The following TNPO3 variants were observed in gnomAD, a reference collection of about 807,000 sequenced individuals.
TNPO3 encodes the protein transportin-3.
TNPO3 carries 65 observed loss-of-function variants against 122.8 expected under a neutral mutation model. That is an observed-to-expected ratio of 0.53 (90% CI 0.43 to 0.65). The LOEUF (loss-of-function observed/expected upper bound fraction) is 0.65. Ranked by LOEUF, TNPO3 falls within the 30% of genes least tolerant of loss-of-function variation. The pLI is 0.00. For synonymous variants in TNPO3, 372 were observed against 411.2 expected (o/e 0.90, Z 1.15); for missense variants, 850 against 1,136.7 (o/e 0.75, Z 3.63).
chr7:128,984,105 T>C (rs1799908395), intron 13 of TNPO3, 63 bp downstream of exon 13: 6 of 1,080,936 alleles, frequency 5.6e-6, no homozygotes, highest in Middle Eastern at 2.1e-4. Context: ...AGTAATTTCA[T>C]CTTTTCATTT....
At chr7:128,985,837 A>G (rs1800083476) in intron 12 of TNPO3, among the ~76,000 whole-genome samples, 2 of 152,234 alleles carry the variant, frequency 1.3e-5, no homozygotes, top group Admixed American at 1.3e-4. Flanking sequence ...CTAGCTGGTA[A>G]GGAATCTGGT....
chr7:128,966,281 G>A (rs1251575792), intron 21 of TNPO3, among the ~76,000 whole-genome samples: 1 of 151,994 alleles, frequency 6.6e-6, no homozygotes, highest in Non-Finnish European at 1.5e-5. Flanking sequence ...CTATTGATGG[G>A]CAATTAGAAT....
In TNPO3 at chr7:128,977,594, TTTTTC is replaced by T. The variant is rs1799195774; in HGVS notation, c.2061+1384_2061+1388del. On this transcript the variant is annotated intron_variant, in intron 16 of 22. Coordinates refer to ENST00000265388, the MANE Select transcript of TNPO3 (RefSeq NM_012470.4). Reference sequence around the variant, plus strand: ...AAGGGGGAACTCATTCTTTTTTTCTTTTTTCTTTTTTTTTTTTTTTGAGATGGAGT... The same window carrying T: ...AAGGGGGAACTCATTCTTTTTTTCTTTTTTTTTTTTTTTTTGAGATGGAGT... Among the ~76,000 whole-genome samples, 3 of 53,526 alleles carry T rather than the reference TTTTTC, an allele frequency of 5.6e-5. No homozygotes were observed. The South Asian group carries it at 3.0e-3, about 54-fold the overall frequency. The allele number at this position is 53,526 out of a possible 152,430, so 35.1% of individuals were successfully genotyped here. A position where few individuals can be genotyped will look rare whatever the true frequency, so the allele number is the denominator to read the frequency against.
chr7:129,016,955 T>A, intron 3 of TNPO3, 28 bp downstream of exon 3: 1 of 1,606,956 alleles, frequency 6.2e-7, no homozygotes, highest in South Asian at 1.1e-5. Context: ...TTCCAAATGC[T>A]AATATAGAGT....
Position 129,000,484 on chromosome 7 carries a change from C to T in TNPO3, c.956G>A (p.Gly319Glu). The change falls in exon 7 of 23, where the codon GGG (glycine) becomes GAG (glutamate). Residue 319 changes from glycine (G) to glutamate (E), a missense_variant. Physicochemically the swap from Gly to Glu is moderately conservative, Grantham distance 98 (BLOSUM62 -2). Coordinates refer to ENST00000265388, the MANE Select transcript of TNPO3 (RefSeq NM_012470.4). ...KIVCTPGQGL[G>E]DLRTLELLLI... is the part of the protein sequence containing the mutation. ...CAGCAGCTCCAGAGTTCGAAGGTCCCCAAGACCTTGGCCTGGAGTACAAAC... is the reference window on the plus strand; with the variant it reads ...CAGCAGCTCCAGAGTTCGAAGGTCCTCAAGACCTTGGCCTGGAGTACAAAC... 6.2e-7 allele frequency: 1 copy of T among 1,614,040 alleles called. No individual in the cohort carries two copies. The highest frequency in any genetic ancestry group is 8.5e-7 in the Non-Finnish European group (1 of 1,179,970).
At position 129,017,846 on chromosome 7, in the gene TNPO3, A is replaced by G; in HGVS notation, c.321+111T>C. 4 of 1,031,364 alleles carry G rather than the reference A, an allele frequency of 3.9e-6. 1 individual carries two copies. In the South Asian group the frequency reaches 6.1e-5, roughly 16 times the overall value. The allele number at this position is 1,031,364 out of a possible 1,614,324, so 63.9% of individuals were successfully genotyped here. A position where few individuals can be genotyped will look rare whatever the true frequency, so the allele number is the denominator to read the frequency against. On this transcript the variant is annotated intron_variant, in intron 2 of 22. Transcript: ENST00000265388. ...TCCACTTACAAGAACATAGCAGTAC[A>G]TCTGTAATGAAGTTAACATTACCTC... is the stretch of plus-strand genomic sequence containing the variant.
intron 19 of TNPO3, among the ~76,000 whole-genome samples, chr7:128,971,658 T>C (rs911581862): frequency 2.0e-5 from 3 of 152,216 alleles, no homozygotes; most frequent in African/African-American, 7.2e-5. Context: ...TCGAAATTCC[T>C]GTGAAGCACT....
At chr7:129,053,393 G>T (rs956951966) in intron 1 of TNPO3, among the ~76,000 whole-genome samples, 1 of 151,450 alleles carries the variant, frequency 6.6e-6, no homozygotes, top group Non-Finnish European at 1.5e-5. Flanking sequence ...TACTCGGGAG[G>T]CTGAGGCAGG....
intron 8 of TNPO3, among the ~76,000 whole-genome samples, chr7:128,996,453 C>G (rs1432354942): frequency 1.3e-5 from 2 of 151,886 alleles, no homozygotes; most frequent in Non-Finnish European, 2.9e-5. Context: ...TAATAAGGTA[C>G]AAAATTTTGG....
At chr7:128,988,343 C>T (rs1296293391) in intron 11 of TNPO3, among the ~76,000 whole-genome samples, 2 of 152,110 alleles carry the variant, frequency 1.3e-5, no homozygotes, top group Non-Finnish European at 2.9e-5. Context: ...CAATACAATG[C>T]CCAAACTCAG....
Position 129,002,689 on chromosome 7 carries a change from T to C in TNPO3, c.697-1455A>G, listed in dbSNP as rs190253251. Among the ~76,000 whole-genome samples, 810 of 151,764 alleles carry C rather than the reference T, an allele frequency of 5.3e-3. 9 individuals are homozygous for C. The highest frequency in any genetic ancestry group is 0.018 in the African/African-American group (749 of 41,368). On this transcript the variant is annotated intron_variant, in intron 5 of 22. Transcript: ENST00000265388. The stretch of plus-strand genomic sequence containing the variant: ...ATCCCAGCACTTTGGGAGGCCAAGG[T>C]GGGCAGATCACAAGGTCAGGAGATC...
intron 8 of TNPO3, among the ~76,000 whole-genome samples, chr7:128,995,410 A>T (rs1801202409): frequency 6.6e-6 from 1 of 152,226 alleles, no homozygotes; most frequent in Non-Finnish European, 1.5e-5. Context: ...TACTATTGAG[A>T]ATTGCTAATC....
chr7:128,999,347 C>T (rs959053667), intron 7 of TNPO3, among the ~76,000 whole-genome samples: 1 of 152,164 alleles, frequency 6.6e-6, no homozygotes, highest in Non-Finnish European at 1.5e-5. Context: ...GCCTCTTTTC[C>T]ATATGGTACT....
At chr7:129,025,105 T>C (rs1804959431) in intron 1 of TNPO3, among the ~76,000 whole-genome samples, 1 of 151,478 alleles carries the variant, frequency 6.6e-6, no homozygotes, top group South Asian at 2.1e-4. Flanking sequence ...CCCCTGCACT[T>C]TCGGAGGCCA....
chr7:128,983,309 TGATTCTC>T (rs1799817025), intron 13 of TNPO3, among the ~76,000 whole-genome samples: 1 of 151,986 alleles, frequency 6.6e-6, no homozygotes, highest in Admixed American at 6.6e-5. Context: ...CAGGTTCAAG[TGATTCTC>T]CCGCCTCAGC....
chr7:129,036,390 T>G (rs1388317938), intron 1 of TNPO3, among the ~76,000 whole-genome samples: 1 of 152,144 alleles, frequency 6.6e-6, no homozygotes, highest in Non-Finnish European at 1.5e-5. Flanking sequence ...CTTGGATTTG[T>G]TTTTTAATAT....
At chr7:128,968,317 AT>A (rs1410297028) in intron 20 of TNPO3, among the ~76,000 whole-genome samples, 1 of 152,080 alleles carries the variant, frequency 6.6e-6, no homozygotes, top group Non-Finnish European at 1.5e-5. Context: ...TTACTTATAT[AT>A]TTTTTATATA....
At chr7:129,005,193 T>TTAA (rs1426929136) in intron 4 of TNPO3, 34 bp from the exon 5 acceptor site, 3 of 1,567,896 alleles carry the variant, frequency 1.9e-6, no homozygotes, top group Non-Finnish European at 2.6e-6. Context: ...ATGAATAATG[T>TTAA]TAATCTATAT....
rs550615531 is a variant in TNPO3, at chr7:128,981,606, C to T, written c.1859+642G>A. On this transcript the variant is annotated intron_variant, in intron 14 of 22. Coordinates refer to ENST00000265388, the MANE Select transcript of TNPO3 (RefSeq NM_012470.4). ...GAATCAGACACTGAGGGGATGGGAT[C>T]TAGCAATCTGTGTTTTGATAAGCCC... is the stretch of plus-strand genomic sequence containing the variant. 1.5e-4 allele frequency among the ~76,000 whole-genome samples: 23 copies of T among 152,210 alleles called. No individual in the cohort carries two copies. In the South Asian group the frequency reaches 4.4e-3, roughly 29 times the overall value.
Sources: gnomAD v4.1 joint callset for allele counts (sites outside exome capture counted in the v4.1 genomes callset) on GRCh38, gnomAD v4.1.1 for gene constraint, MANE v1.5 for transcripts, NCBI Gene and HGNC (gene_info 2026-07-23, HGNC 2026-07-21) for gene names.